PTPN1: variants seen among roughly 807,000 people sequenced by gnomAD.
PTPN1 encodes the protein protein tyrosine phosphatase non-receptor type 1.
A neutral mutation model predicts 59.9 loss-of-function variants in PTPN1; 12 were observed. That is an observed-to-expected ratio of 0.20 (90% CI 0.13 to 0.32). PTPN1 has a LOEUF of 0.32. PTPN1 is among the 10% of genes least tolerant of loss of function. The pLI is 1.00. For missense variants in PTPN1, 356 were observed against 549.2 expected, an observed-to-expected ratio of 0.65 and a Z score of 3.52; for synonymous variants, 178 against 203.6, an observed-to-expected ratio of 0.87 and a Z score of 1.07.
At chr20:50,562,334 G>C (rs75971638) in intron 2 of PTPN1, among the ~76,000 whole-genome samples, 490 of 152,296 alleles carry the variant, frequency 3.2e-3, no homozygotes, top group Non-Finnish European at 5.3e-3. Context: ...CTGCCAGAAG[G>C]GTTAGCAGTG....
At chr20:50,517,118 C>G (rs558987838) in intron 1 of PTPN1, among the ~76,000 whole-genome samples, 1 of 152,284 alleles carries the variant, frequency 6.6e-6, no homozygotes, top group South Asian at 2.1e-4. Context: ...ATGGAAGATT[C>G]CCTCCTGCCC....
chr20:50,539,529 T>G (rs1235030679), intron 1 of PTPN1, among the ~76,000 whole-genome samples: 1 of 152,224 alleles, frequency 6.6e-6, no homozygotes, highest in Non-Finnish European at 1.5e-5. Flanking sequence ...TGTTATTCTG[T>G]TGTCTTCTGG....
At chr20:50,561,653 T>C (rs2082752977) in intron 2 of PTPN1, among the ~76,000 whole-genome samples, 200 bp downstream of exon 2, 1 of 152,338 alleles carries the variant, frequency 6.6e-6, no homozygotes, top group Admixed American at 6.5e-5. Context: ...GGGCTCAGGT[T>C]TCAGTTTCTG....
At position 50,568,241 on chromosome 20, in the gene PTPN1, C is replaced by T; in HGVS notation, c.256-139C>T. On this transcript the variant is annotated intron_variant, in intron 3 of 9. Coordinates refer to ENST00000371621, the MANE Select transcript of PTPN1 (RefSeq NM_002827.4). This position sits in a 1 kb window ranked among gnomAD's most constrained non-coding sequence, Gnocchi z 5.6. Reference sequence around the variant, plus strand: ...GACCACCAGGCAGAGAGAGGTGGGTCCCTGTCCCAGCCTCAGCCACCACTC... The same window carrying T: ...GACCACCAGGCAGAGAGAGGTGGGTTCCTGTCCCAGCCTCAGCCACCACTC... The T allele has an allele frequency of 1.5e-6, 1 of 688,144 alleles. No individual in the cohort carries two copies. Among genetic ancestry groups the T allele is most frequent in the Non-Finnish European group, 2.6e-6 (1 of 380,916 alleles). The allele number at this position is 688,144 out of a possible 1,614,324, so 42.6% of individuals were successfully genotyped here.
In PTPN1 at chr20:50,582,570, C is replaced by A; in HGVS notation, c.1285-122C>A. 9.9e-7 allele frequency: 1 copy of A among 1,007,802 alleles called. No individual in the cohort carries two copies. Among genetic ancestry groups the A allele is most frequent in the Non-Finnish European group, 1.5e-6 (1 of 679,814 alleles). 62.4% of individuals were successfully genotyped at this position (1,007,802 alleles called of 1,614,324 possible). A position where few individuals can be genotyped will look rare whatever the true frequency, so the allele number is the denominator to read the frequency against. On this transcript the variant is annotated intron_variant, in intron 9 of 9. Transcript: ENST00000371621. The surrounding 1 kb of genome is among the most constrained non-coding windows in gnomAD (Gnocchi z 4.2). ...AGGGGGCTACTGTAAAAAATAAAAC[C>A]AAAACCCCCTTTGCTCCCTCGGAGG...
intron 1 of PTPN1, among the ~76,000 whole-genome samples, chr20:50,554,760 C>G (rs537414213): frequency 3.3e-5 from 5 of 151,970 alleles, no homozygotes; most frequent in Non-Finnish European, 7.4e-5. Context: ...GAATTCGATG[C>G]ATATTGTAAA....
At chr20:50,528,767 A>G (rs922211850) in intron 1 of PTPN1, among the ~76,000 whole-genome samples, 3 of 151,800 alleles carry the variant, frequency 2.0e-5, no homozygotes, top group Non-Finnish European at 4.4e-5. Flanking sequence ...AAGAAAGAAA[A>G]TACCCAATAA....
intron 1 of PTPN1, among the ~76,000 whole-genome samples, chr20:50,528,661 C>G (rs187166993): frequency 1.4e-5 from 2 of 147,434 alleles, no homozygotes; most frequent in African/African-American, 5.0e-5. Flanking sequence ...TTGCAGTGAG[C>G]TGAGATCACT....
rs2082880290 is a variant in PTPN1 at position 50,583,467 on chromosome 20, T to C, written c.*752T>C. Reference sequence around the variant, plus strand: ...CCTCCCTGTTATCTGCTAGATCTAGTTCTCAATCACTGCTCCCCCGTGTGT... The same window carrying C: ...CCTCCCTGTTATCTGCTAGATCTAGCTCTCAATCACTGCTCCCCCGTGTGT... On this transcript the variant is annotated 3_prime_UTR_variant, in exon 10 of 10. Coordinates refer to ENST00000371621, the MANE Select transcript of PTPN1 (RefSeq NM_002827.4). The C allele has an allele frequency of 6.6e-6, 1 of 152,284 alleles. No homozygotes were observed. The highest frequency in any genetic ancestry group is 2.1e-4 in the South Asian group (1 of 4,828). 9.4% of individuals were successfully genotyped at this position (152,284 alleles called of 1,614,324 possible).
At position 50,553,880 on chromosome 20, in the gene PTPN1, C is replaced by T. The variant is rs146703565; in HGVS notation, c.64-7483C>T. Reference sequence around the variant, plus strand: ...CTGGATAGGATTAATAGTTTAGGCACTGCAGAAGAAAAAAACAGCATCTAT... The same window carrying T: ...CTGGATAGGATTAATAGTTTAGGCATTGCAGAAGAAAAAAACAGCATCTAT... On this transcript the variant is annotated intron_variant, in intron 1 of 9. Coordinates refer to ENST00000371621, the MANE Select transcript of PTPN1 (RefSeq NM_002827.4). Among the ~76,000 whole-genome samples the T allele has an allele frequency of 8.1e-3, 1,236 of 152,120 alleles. 10 individuals are homozygous for T. Among genetic ancestry groups the T allele is most frequent in the Non-Finnish European group, 0.013 (860 of 68,004 alleles).
At chr20:50,529,797 T>A (rs556703575) in intron 1 of PTPN1, among the ~76,000 whole-genome samples, 1 of 152,328 alleles carries the variant, frequency 6.6e-6, no homozygotes, top group South Asian at 2.1e-4. Flanking sequence ...AGCTTTGAGC[T>A]GATGACATGT....
At position 50,510,384 on chromosome 20, in the gene PTPN1, T is replaced by A. The variant is rs913710692; in HGVS notation, c.-144T>A. The A allele has an allele frequency of 1.5e-5, 13 of 839,594 alleles. No homozygotes were observed. The highest frequency in any genetic ancestry group is 1.8e-5 in the African/African-American group (1 of 56,224). The allele number at this position is 839,594 out of a possible 1,614,324, so 52.0% of individuals were successfully genotyped here. A position where few individuals can be genotyped will look rare whatever the true frequency, so the allele number is the denominator to read the frequency against. On this transcript the variant is annotated 5_prime_UTR_variant, in exon 1 of 10. The change abolishes an upstream ATG in the 5' untranslated region. Coordinates refer to ENST00000371621, the MANE Select transcript of PTPN1 (RefSeq NM_002827.4). ...GCGTAGTTCCGGCTGCCGGTTGACA[T>A]GAAGAAGCAGCAGCGGCTAGGGCGG... is the stretch of plus-strand genomic sequence containing the variant.
intron 5 of PTPN1, among the ~76,000 whole-genome samples, chr20:50,577,057 A>G (rs1051128005): frequency 2.6e-5 from 4 of 152,170 alleles, no homozygotes; most frequent in Non-Finnish European, 4.4e-5. Flanking sequence ...TTATCCTAAC[A>G]TACACAAATT....
intron 1 of PTPN1, among the ~76,000 whole-genome samples, chr20:50,542,094 C>T (rs114706904): frequency 0.023 from 3,527 of 152,300 alleles, 122 homozygotes; most frequent in African/African-American, 0.077. Flanking sequence ...CTTGGCATAA[C>T]TTGAAATGCA....
At chr20:50,514,172 GAAGT>G (rs1394296396) in intron 1 of PTPN1, among the ~76,000 whole-genome samples, 1 of 152,218 alleles carries the variant, frequency 6.6e-6, no homozygotes, top group Non-Finnish European at 1.5e-5. Context: ...GGTGTTTTTG[GAAGT>G]AAGTAAACCA....
At chr20:50,543,321 A>G (rs541880274) in intron 1 of PTPN1, among the ~76,000 whole-genome samples, 1 of 152,378 alleles carries the variant, frequency 6.6e-6, no homozygotes, top group East Asian at 1.9e-4. Context: ...TAGGTTTTAA[A>G]AATTCCGTAT....
At chr20:50,578,215 C>T (rs192554715) in intron 5 of PTPN1, among the ~76,000 whole-genome samples, 19 of 152,292 alleles carry the variant, frequency 1.2e-4, no homozygotes, top group African/African-American at 4.6e-4. Context: ...TAAGCAGGCG[C>T]ACCCTGCAGG....
intron 1 of PTPN1, among the ~76,000 whole-genome samples, chr20:50,523,789 T>C (rs1032083629): frequency 2.0e-5 from 3 of 152,114 alleles, no homozygotes; most frequent in South Asian, 2.1e-4. Context: ...AGGTATCTAA[T>C]TGGGATTGGG....
At chr20:50,527,257 A>T (rs373998849) in intron 1 of PTPN1, among the ~76,000 whole-genome samples, 8 of 152,084 alleles carry the variant, frequency 5.3e-5, no homozygotes, top group African/African-American at 1.9e-4. Context: ...TGAAGTAAAT[A>T]GGTCACTCTG....
Sources: allele counts gnomAD v4.1 joint callset (sites outside exome capture counted in the v4.1 genomes callset), GRCh38; gene constraint gnomAD v4.1.1; non-coding constraint Gnocchi (gnomAD v3.1); transcripts MANE v1.5; gene names NCBI Gene and HGNC (gene_info 2026-07-23, HGNC 2026-07-21).